The following PCDH15 variants were observed in gnomAD, a reference collection of about 807,000 sequenced individuals.
PCDH15 encodes protocadherin-15.
In PCDH15, 129 loss-of-function variants were observed where a neutral mutation model predicts 178.5. The observed-to-expected ratio is 0.72, with a 90% CI of 0.63 to 0.84. The LOEUF is 0.84. Among genes scored for constraint, PCDH15 ranks in the 40% least tolerant of loss-of-function variants. The probability of loss-of-function intolerance (pLI) is 0.00; values close to 1 mark genes in which losing one functional copy is unlikely to be tolerated. For synonymous variants in PCDH15, 800 were observed against 732.0 expected (o/e 1.09, Z -1.50); for missense variants, 2,230 against 2,099.9 (o/e 1.06, Z -1.21).
At chr10:55,150,089 GAAAAGAT>G (rs1838662537) in intron 2 of PCDH15, among the ~76,000 whole-genome samples, 2 of 33,808 alleles carry the variant, frequency 5.9e-5, no homozygotes, top group Non-Finnish European at 7.9e-5. Flanking sequence ...GGGAGGGGAG[GAAAAGAT>G]AGAAGACGAG....
At chr10:54,607,360 C>A (rs1481518306) in intron 2 of PCDH15, among the ~76,000 whole-genome samples, 1 of 151,820 alleles carries the variant, frequency 6.6e-6, no homozygotes, top group African/African-American at 2.4e-5. Flanking sequence ...GATTCTGGGG[C>A]AAAAATATGA....
At chr10:53,864,841 C>T (rs930787266) in intron 27 of PCDH15, among the ~76,000 whole-genome samples, 5 of 152,104 alleles carry the variant, frequency 3.3e-5, no homozygotes, top group Admixed American at 3.3e-4. Context: ...ACTTTCCTTG[C>T]TTTGTTCCTT....
intron 2 of PCDH15, among the ~76,000 whole-genome samples, chr10:55,442,083 G>A (rs1051796525): frequency 1.3e-5 from 2 of 152,094 alleles, no homozygotes; most frequent in Non-Finnish European, 2.9e-5. Flanking sequence ...AAAAATCTGT[G>A]AGAACTAGTA....
intron 2 of PCDH15, among the ~76,000 whole-genome samples, chr10:54,538,096 C>G (rs377629760): frequency 6.6e-6 from 1 of 152,046 alleles, no homozygotes; most frequent in Non-Finnish European, 1.5e-5. Context: ...TCTTTTCTGT[C>G]GGGCAGAAGC....
intron 2 of PCDH15, among the ~76,000 whole-genome samples, chr10:54,940,789 C>T (rs1301227311): frequency 7.4e-6 from 1 of 134,716 alleles, no homozygotes; most frequent in African/African-American, 2.5e-5. Context: ...TCATCTTTAT[C>T]TGCGGTAATT....
At chr10:55,017,418 A>C (rs994661559) in intron 2 of PCDH15, among the ~76,000 whole-genome samples, 6 of 152,162 alleles carry the variant, frequency 3.9e-5, no homozygotes, top group Admixed American at 3.9e-4. Context: ...CCATCTATAT[A>C]TGTTGAGCAA....
At chr10:53,811,914 A>AT (rs2075877982) in intron 35 of PCDH15, among the ~76,000 whole-genome samples, 1 of 152,164 alleles carries the variant, frequency 6.6e-6, no homozygotes, top group Non-Finnish European at 1.5e-5. Context: ...GCAGATGAGC[A>AT]TTTTCACTTG....
At chr10:55,224,072 C>T (rs534683857) in intron 1 of PCDH15, among the ~76,000 whole-genome samples, 1 of 151,918 alleles carries the variant, frequency 6.6e-6, no homozygotes, top group Non-Finnish European at 1.5e-5. Flanking sequence ...GACAACATGG[C>T]GAAGCCCTAT....
chr10:54,753,520 A>G (rs527615606), intron 1 of PCDH15, among the ~76,000 whole-genome samples: 2 of 151,262 alleles, frequency 1.3e-5, no homozygotes, highest in African/African-American at 4.9e-5. Flanking sequence ...AACAAAAAAA[A>G]AAACTTAAAT....
At chr10:54,806,497 T>TTTC (rs1952779720) in intron 3 of PCDH15, among the ~76,000 whole-genome samples, 1 of 151,996 alleles carries the variant, frequency 6.6e-6, no homozygotes, top group South Asian at 2.1e-4. Context: ...TTTTTTTTTT[T>TTTC]TTCTGAGACG....
chr10:54,189,368 A>T, intron 11 of PCDH15: 1 of 1,573,998 alleles, frequency 6.4e-7, no homozygotes, highest in African/African-American at 1.3e-5. Flanking sequence ...ACCTACAGGA[A>T]CTCCACTGGG....
At position 53,864,504 on chromosome 10, in the gene PCDH15, G is replaced by A. The variant is rs569980135; in HGVS notation, c.3717+2138C>T. 4.5e-3 allele frequency among the ~76,000 whole-genome samples: 683 copies of A among 152,250 alleles called. 4 individuals carry two copies. Among genetic ancestry groups the A allele is most frequent in the Middle Eastern group, 0.034 (10 of 294 alleles). ...GGGGCCATCCTTTCATTTGCTTAGG[G>A]CATCAATCCACTCAGGCCTTGGGTC... On this transcript the variant is annotated intron_variant, in intron 27 of 37. Transcript: ENST00000644397.
chr10:55,007,620 T>A (rs1352342389), intron 2 of PCDH15, among the ~76,000 whole-genome samples: 1 of 152,178 alleles, frequency 6.6e-6, no homozygotes, highest in African/African-American at 2.4e-5. Flanking sequence ...TGTTTGTTTG[T>A]TCCTTTACAT....
chr10:54,802,911 A>T (rs1207417084), upstream of PCDH15, among the ~76,000 whole-genome samples: 1 of 152,216 alleles, frequency 6.6e-6, no homozygotes, highest in Non-Finnish European at 1.5e-5. Context: ...CAATTCAATT[A>T]TTACTAATTG....
rs2049500304 is a variant in PCDH15, at chr10:54,195,351, C to T, written c.1305+332G>A. On this transcript the variant is annotated intron_variant, in intron 11 of 37. Coordinates refer to ENST00000644397, the MANE Select transcript of PCDH15 (RefSeq NM_001384140.1). ...TCATGATTTTTTACTCATGTAGTAA[C>T]ACCATTATTTTTGCTTTATCAATAA... Among the ~76,000 whole-genome samples, 6 of 152,210 alleles carry T rather than the reference C, an allele frequency of 3.9e-5. No homozygotes were observed. The South Asian group carries it at 1.2e-3, about 32-fold the overall frequency.
chr10:55,263,042 C>T (rs1338639431), intron 1 of PCDH15, among the ~76,000 whole-genome samples: 1 of 152,046 alleles, frequency 6.6e-6, no homozygotes, highest in Non-Finnish European at 1.5e-5. Context: ...CATCACATGC[C>T]CTGTGATGGG....
chr10:54,475,895 A>G (rs2078240784), intron 3 of PCDH15, among the ~76,000 whole-genome samples: 1 of 150,988 alleles, frequency 6.6e-6, no homozygotes, highest in Non-Finnish European at 1.5e-5. Context: ...TTATATATAT[A>G]TAATGAAAGT....
intron 8 of PCDH15, among the ~76,000 whole-genome samples, chr10:54,240,620 CTTTTGCTT>C (rs1251737355): frequency 2.9e-5 from 3 of 103,062 alleles, no homozygotes; most frequent in African/African-American, 1.1e-4. Context: ...TATTTATTTT[CTTTTGCTT>C]TTTTTTTTTT....
intron 10 of PCDH15, among the ~76,000 whole-genome samples, chr10:54,200,475 A>G (rs1438253347): frequency 6.6e-6 from 1 of 151,358 alleles, no homozygotes; most frequent in African/African-American, 2.4e-5. Context: ...CCCTGTGTCC[A>G]TATGTTCTTA....
Sources: gnomAD v4.1 joint callset for allele counts (sites outside exome capture counted in the v4.1 genomes callset) on GRCh38, gnomAD v4.1.1 for gene constraint, MANE v1.5 for transcripts, NCBI Gene and HGNC (gene_info 2026-07-23, HGNC 2026-07-21) for gene names.